The following PC variants were observed in gnomAD, a reference collection of about 807,000 sequenced individuals.
The protein encoded by PC is pyruvate carboxylase, also known as pyruvate carboxylase, mitochondrial.
In PC, 46 loss-of-function variants were observed where a neutral mutation model predicts 107.8. That is an observed-to-expected ratio of 0.43 (90% CI 0.34 to 0.55). The LOEUF (loss-of-function observed/expected upper bound fraction) is 0.55, where lower values mean the gene tolerates loss of function less well. PC is among the 20% of genes least tolerant of loss of function. The pLI is 0.04. For missense variants in PC, 1,241 were observed against 1,643.1 expected, an observed-to-expected ratio of 0.76 and a Z score of 4.23; for synonymous variants, 662 against 684.7, an observed-to-expected ratio of 0.97 and a Z score of 0.52.
intron 3 of PC, among the ~76,000 whole-genome samples, chr11:66,916,148 A>T (rs1270783613): frequency 6.6e-6 from 1 of 152,082 alleles, no homozygotes; most frequent in East Asian, 1.9e-4. Context: ...CACTCACCAC[A>T]CTTGGCCCAG....
At chr11:66,903,769 AAAAAAT>A (rs1268807170) in intron 3 of PC, among the ~76,000 whole-genome samples, 14 of 86,736 alleles carry the variant, frequency 1.6e-4, no homozygotes, top group Non-Finnish European at 3.2e-4. Context: ...AAAAAAAAAA[AAAAAAT>A]ATATATATAT....
chr11:66,893,010 A>G (rs1947630712), intron 3 of PC, among the ~76,000 whole-genome samples: 1 of 152,214 alleles, frequency 6.6e-6, no homozygotes, highest in African/African-American at 2.4e-5. Context: ...GGGCTGCTGC[A>G]GTGGAAATAT....
At chr11:66,894,129 T>G (rs1947666811) in intron 3 of PC, among the ~76,000 whole-genome samples, 1 of 152,138 alleles carries the variant, frequency 6.6e-6, no homozygotes. Flanking sequence ...AATACAGGCA[T>G]GACGGCACTC....
intron 3 of PC, among the ~76,000 whole-genome samples, chr11:66,907,364 C>T (rs370733521): frequency 2.9e-4 from 44 of 152,162 alleles, no homozygotes; most frequent in Admixed American, 2.7e-3. Flanking sequence ...CCCGTCTCTA[C>T]GAAAAATACA....
Position 66,858,760 on chromosome 11 carries a change from G to C in PC, c.1368+5014C>G. On this transcript the variant is annotated intron_variant, in intron 12 of 22. Coordinates refer to ENST00000393960, the MANE Select transcript of PC (RefSeq NM_001040716.2). The surrounding 1 kb of genome is among the most constrained non-coding windows in gnomAD (Gnocchi z 5.9). ...TTCCCCAACGGGACCTTAGAGATTG[G>C]GGTGACCGGCGCTGGGGACGCTGGG... 1 of 1,553,024 alleles carries C rather than the reference G, an allele frequency of 6.4e-7. No individual in the cohort carries two copies. Among genetic ancestry groups the C allele is most frequent in the Non-Finnish European group, 8.7e-7 (1 of 1,148,648 alleles).
chr11:66,930,820 C>G (rs963065692), intron 3 of PC, among the ~76,000 whole-genome samples: 21 of 151,564 alleles, frequency 1.4e-4, no homozygotes, highest in African/African-American at 4.9e-4. Flanking sequence ...CAGACCAAGG[C>G]CTTCTTGGCA....
intron 3 of PC, among the ~76,000 whole-genome samples, chr11:66,885,027 A>G (rs1042666067): frequency 6.6e-6 from 1 of 152,196 alleles, no homozygotes; most frequent in African/African-American, 2.4e-5. Flanking sequence ...CCAAGATGAC[A>G]GGACATGAAT....
At chr11:66,896,382 A>G (rs936015311) in intron 3 of PC, among the ~76,000 whole-genome samples, 2 of 152,214 alleles carry the variant, frequency 1.3e-5, no homozygotes, top group African/African-American at 2.4e-5. Flanking sequence ...CCTGGCCCCA[A>G]CCTGAAATTC....
In PC at chr11:66,849,973, G is replaced by T; in HGVS notation, c.2862C>A (p.Val954=). The T allele has an allele frequency of 6.2e-7, 1 of 1,613,650 alleles. No individual in the cohort carries two copies. Among genetic ancestry groups the T allele is most frequent in the Non-Finnish European group, 8.5e-7 (1 of 1,180,024 alleles). The change falls in exon 20 of 23, where the codon GTC becomes GTA. Residue 954 remains valine (V), a synonymous_variant. Coordinates refer to ENST00000393960, the MANE Select transcript of PC (RefSeq NM_001040716.2). ...AGGGTTCGGGGAACCCCCCATGGGGGACACCGATGTAGCCCTGCAGGAACT... is the reference window on the plus strand; with the variant it reads ...AGGGTTCGGGGAACCCCCCATGGGGTACACCGATGTAGCCCTGCAGGAACT... ...VVEFLQGYIG[V]PHGGFPEPFR...
At chr11:66,897,006 A>G (rs1234875939) in intron 3 of PC, among the ~76,000 whole-genome samples, 2 of 152,048 alleles carry the variant, frequency 1.3e-5, no homozygotes, top group Non-Finnish European at 2.9e-5. Flanking sequence ...ATCTCGGCTC[A>G]CTGCAACCTC....
intron 3 of PC, among the ~76,000 whole-genome samples, chr11:66,914,170 C>T (rs999329981): frequency 2.0e-5 from 3 of 152,120 alleles, no homozygotes; most frequent in Non-Finnish European, 2.9e-5. Context: ...CAATGTATTC[C>T]TGCCCCTCTC....
At chr11:66,936,048 C>T (rs1202540017) in intron 3 of PC, among the ~76,000 whole-genome samples, 1 of 145,340 alleles carries the variant, frequency 6.9e-6, no homozygotes, top group Non-Finnish European at 1.5e-5. Flanking sequence ...CACTGCACTC[C>T]AGCATGAGTG....
Position 66,848,796 on chromosome 11 carries a change from C to T in PC, c.*103G>A. On this transcript the variant is annotated 3_prime_UTR_variant, in exon 23 of 23. Coordinates refer to ENST00000393960, the MANE Select transcript of PC (RefSeq NM_001040716.2). Reference sequence around the variant, plus strand: ...CCAGCTGTGGACAGGACCTCCACGGCCCGGCCTTCCTGGCCTCGGGCACTG... The same window carrying T: ...CCAGCTGTGGACAGGACCTCCACGGTCCGGCCTTCCTGGCCTCGGGCACTG... 1 of 1,481,772 alleles carries T rather than the reference C, an allele frequency of 6.7e-7. No homozygotes were observed. The highest frequency in any genetic ancestry group is 9.4e-7 in the Non-Finnish European group (1 of 1,069,430). 91.8% of individuals were successfully genotyped at this position (1,481,772 alleles called of 1,614,324 possible).
At position 66,870,410 on chromosome 11, in the gene PC, G is replaced by A. The variant is rs1484456027; in HGVS notation, c.795C>T (p.Cys265=). ...GNILHLYERD[C]SIQRRHQKVV... is the part of the protein sequence containing the mutation. The stretch of plus-strand genomic sequence containing the variant: ...CCTTCTGGTGCCGCCGCTGGATGGA[G>A]CAGTCTCGCTCGTACAGGTGCAGGA... The change falls in exon 9 of 23, where the codon TGC becomes TGT. Residue 265 remains cysteine, a synonymous_variant. Transcript: ENST00000393960. This position sits in a 1 kb window ranked among gnomAD's most constrained non-coding sequence, Gnocchi z 6.1. The A allele has an allele frequency of 2.5e-6, 4 of 1,613,730 alleles. No homozygotes were observed. The highest frequency in any genetic ancestry group is 2.2e-5 in the South Asian group (2 of 91,092).
At chr11:66,915,018 C>A (rs1201932204) in intron 3 of PC, among the ~76,000 whole-genome samples, 1 of 152,086 alleles carries the variant, frequency 6.6e-6, no homozygotes, top group Non-Finnish European at 1.5e-5. Context: ...GGTGACAGAG[C>A]AAGACCCTGT....
chr11:66,875,675 G>C (rs1398275177), intron 3 of PC, among the ~76,000 whole-genome samples: 1 of 152,144 alleles, frequency 6.6e-6, no homozygotes, highest in Non-Finnish European at 1.5e-5. Flanking sequence ...ATGACTCCCA[G>C]AGGCAGGGTA....
At chr11:66,879,866 T>C (rs892481099) in intron 3 of PC, among the ~76,000 whole-genome samples, 9 of 152,040 alleles carry the variant, frequency 5.9e-5, no homozygotes, top group African/African-American at 2.2e-4. Context: ...GACACGGAAA[T>C]GTTGGCCAGC....
At chr11:66,943,320 T>C (rs962992205) in intron 3 of PC, among the ~76,000 whole-genome samples, 3 of 151,854 alleles carry the variant, frequency 2.0e-5, no homozygotes, top group Non-Finnish European at 4.4e-5. Context: ...GGAGCTGCCT[T>C]GTCCCTTCCA....
At chr11:66,860,312 C>A in intron 12 of PC, 1 of 1,414,196 alleles carries the variant, frequency 7.1e-7, no homozygotes, top group Non-Finnish European at 9.7e-7. Flanking sequence ...CTCAGGCTCC[C>A]CTGTGTACTT....
Sources: allele counts gnomAD v4.1 joint callset (sites outside exome capture counted in the v4.1 genomes callset), GRCh38; gene constraint gnomAD v4.1.1; non-coding constraint Gnocchi (gnomAD v3.1); transcripts MANE v1.5; gene names NCBI Gene and HGNC (gene_info 2026-07-23, HGNC 2026-07-21).